Variants in LOXL2 observed in about 807,000 individuals in gnomAD.
LOXL2 encodes lysyl oxidase homolog 2.
Under a neutral mutation model 93.0 loss-of-function variants are expected in LOXL2, and 70 were observed. That is an observed-to-expected ratio of 0.75 (90% confidence interval 0.62 to 0.92). The LOEUF (loss-of-function observed/expected upper bound fraction) is 0.92, where lower values mean the gene tolerates loss of function less well. LOXL2 is among the 40% of genes least tolerant of loss of function. LOXL2 has a pLI of 0.00. For missense variants in LOXL2, 973 were observed against 1,054.9 expected (o/e 0.92, Z 1.08); for synonymous variants, 438 against 413.2 (o/e 1.06, Z -0.73).
At chr8:23,349,939 T>C (rs1328065867) in intron 3 of LOXL2, among the ~76,000 whole-genome samples, 1 of 152,120 alleles carries the variant, frequency 6.6e-6, no homozygotes, top group Non-Finnish European at 1.5e-5. Flanking sequence ...AAGACTCTTT[T>C]TATTCTTTGT....
intron 1 of LOXL2, among the ~76,000 whole-genome samples, chr8:23,373,197 GC>G (rs1804526510): frequency 6.6e-6 from 1 of 152,150 alleles, no homozygotes; most frequent in African/African-American, 2.4e-5. Context: ...TATACCTCAG[GC>G]CCTGCTGGGA....
At chr8:23,386,693 C>T (rs1287627414) in intron 1 of LOXL2, among the ~76,000 whole-genome samples, 1 of 114,142 alleles carries the variant, frequency 8.8e-6, no homozygotes, top group African/African-American at 2.6e-5. Flanking sequence ...TCAACATTGA[C>T]AGTCTAAGAA....
chr8:23,391,766 G>C (rs375050970), intron 1 of LOXL2, among the ~76,000 whole-genome samples: 1 of 152,170 alleles, frequency 6.6e-6, no homozygotes, highest in Admixed American at 6.5e-5. Flanking sequence ...CCTGGAGGGG[G>C]AGTGCTGAGA....
chr8:23,399,985 G>A (rs775997071), intron 1 of LOXL2, among the ~76,000 whole-genome samples: 5 of 152,204 alleles, frequency 3.3e-5, no homozygotes, highest in Non-Finnish European at 5.9e-5. Flanking sequence ...TTTATGGAAG[G>A]TCTGTTCATT....
chr8:23,332,913 C>A (rs1391574978), intron 5 of LOXL2, among the ~76,000 whole-genome samples: 12 of 149,090 alleles, frequency 8.0e-5, no homozygotes, highest in African/African-American at 2.0e-4. Flanking sequence ...TACACCCCCC[C>A]CACAGAGGGG....
intron 3 of LOXL2, among the ~76,000 whole-genome samples, chr8:23,351,191 G>A (rs983853943): frequency 2.6e-5 from 4 of 152,146 alleles, no homozygotes; most frequent in Admixed American, 6.5e-5. Flanking sequence ...CCTTAGCAAC[G>A]GACTCCTGGG....
At chr8:23,365,839 A>T (rs2117211086) in intron 2 of LOXL2, 1 of 152,516 alleles carries the variant, frequency 6.6e-6, no homozygotes, top group South Asian at 2.1e-4. Flanking sequence ...CAATCCAGTG[A>T]TCACAGCAGC....
At chr8:23,393,521 C>T (rs924860699) in intron 1 of LOXL2, among the ~76,000 whole-genome samples, 1 of 152,040 alleles carries the variant, frequency 6.6e-6, no homozygotes, top group Non-Finnish European at 1.5e-5. Flanking sequence ...AGTTGGGGCC[C>T]GACCTCATAG....
chr8:23,309,802 G>A lies in LOXL2; in HGVS notation c.1746C>T (p.Ala582=). The part of the protein sequence containing the change: ...QCAMEENCLS[A]SAAQTDPTTG... Reference sequence around the variant, plus strand: ...TGGTGGGGTCGGTCTGCGCGGCTGAGGCCGAGAGGCAGTTCTCCTCCATGG... The same window carrying A: ...TGGTGGGGTCGGTCTGCGCGGCTGAAGCCGAGAGGCAGTTCTCCTCCATGG... The change falls in exon 10 of 14, where the codon GCC becomes GCT. Residue 582 remains alanine (A), a synonymous_variant. Transcript: ENST00000389131. The A allele has an allele frequency of 1.2e-6, 2 of 1,604,166 alleles. No individual in the cohort carries two copies. The highest frequency in any genetic ancestry group is 1.7e-5 in the Admixed American group (1 of 58,326).
chr8:23,372,436 T>C (rs1804511369), intron 1 of LOXL2, among the ~76,000 whole-genome samples: 1 of 152,086 alleles, frequency 6.6e-6, no homozygotes, highest in Non-Finnish European at 1.5e-5. Flanking sequence ...CAGGCTGGTC[T>C]CAAACCCCTG....
At chr8:23,381,649 C>G (rs1026305817) in intron 1 of LOXL2, among the ~76,000 whole-genome samples, 3 of 152,212 alleles carry the variant, frequency 2.0e-5, no homozygotes, top group African/African-American at 7.2e-5. Context: ...GCCTTATACC[C>G]CTTTTTCTAC....
rs1029611572 is a variant in LOXL2, at chr8:23,341,141, G to A, written c.594C>T (p.Arg198=). 3.1e-6 allele frequency: 5 copies of A among 1,613,822 alleles called. No homozygotes were observed. In the African/African-American group the frequency reaches 6.7e-5, roughly 22 times the overall value. The change falls in exon 4 of 14, where the codon CGC becomes CGT. Residue 198 remains arginine (R), a synonymous_variant. Coordinates refer to ENST00000389131, the MANE Select transcript of LOXL2 (RefSeq NM_002318.3). ...IRAILSTYRK[R]TPVMEGYVEV... ...CCACGTAGCCCTCCATCACTGGGGT[G>A]CGCTTGCGGTAGGTTGAGAGGATGG...
At chr8:23,354,425 C>A (rs1246347173) in intron 3 of LOXL2, among the ~76,000 whole-genome samples, 2 of 152,168 alleles carry the variant, frequency 1.3e-5, no homozygotes, top group East Asian at 3.9e-4. Flanking sequence ...TGAATCTGCC[C>A]CTTCCAAACT....
At chr8:23,304,571 T>A (rs1367800401) in intron 10 of LOXL2, among the ~76,000 whole-genome samples, 3 of 152,112 alleles carry the variant, frequency 2.0e-5, no homozygotes, top group Non-Finnish European at 4.4e-5. Context: ...TGCTGCAGGA[T>A]CTGAGCTTCC....
At chr8:23,385,242 TTC>T (rs1337901458) in intron 1 of LOXL2, among the ~76,000 whole-genome samples, 1 of 141,028 alleles carries the variant, frequency 7.1e-6, no homozygotes, top group Admixed American at 7.5e-5. Context: ...TGGATTTTTT[TTC>T]TTTTTTTTTT....
At chr8:23,368,697 G>GT (rs1308140057) in intron 1 of LOXL2, among the ~76,000 whole-genome samples, 2 of 152,166 alleles carry the variant, frequency 1.3e-5, no homozygotes, top group Non-Finnish European at 2.9e-5. Flanking sequence ...TTTAAGGAGA[G>GT]TTTTTTAAGA....
intron 3 of LOXL2, among the ~76,000 whole-genome samples, chr8:23,342,908 G>A (rs929444110): frequency 5.9e-5 from 9 of 151,926 alleles, no homozygotes; most frequent in African/African-American, 9.7e-5. Context: ...ACATCACCAC[G>A]CCCAGCTAAT....
chr8:23,388,590 A>G (rs1368116236), intron 1 of LOXL2, among the ~76,000 whole-genome samples: 1 of 149,186 alleles, frequency 6.7e-6, no homozygotes, highest in Non-Finnish European at 1.5e-5. Flanking sequence ...ACTTGTCTCC[A>G]AGAAAAACAA....
intron 1 of LOXL2, among the ~76,000 whole-genome samples, chr8:23,387,435 G>A (rs1302771139): frequency 6.6e-6 from 1 of 152,182 alleles, no homozygotes; most frequent in Non-Finnish European, 1.5e-5. Flanking sequence ...TCCCAATGCA[G>A]GGGCCCACTC....
Sources: allele counts gnomAD v4.1 joint callset (sites outside exome capture counted in the v4.1 genomes callset), GRCh38; gene constraint gnomAD v4.1.1; transcripts MANE v1.5; gene names NCBI Gene and HGNC (gene_info 2026-07-23, HGNC 2026-07-21).